Variants in ZNF804B observed in about 807,000 individuals in gnomAD.
ZNF804B encodes zinc finger protein 804B, also known as zinc finger 804B.
In ZNF804B, 80 loss-of-function variants were observed where a neutral mutation model predicts 101.4. The ratio of observed to expected loss-of-function variants is 0.79; its 90% confidence interval spans 0.66 to 0.95. The LOEUF is 0.95. Ranked by LOEUF, ZNF804B falls within the 40% of genes least tolerant of loss-of-function variation. The pLI is 0.00. For missense variants in ZNF804B, 1,673 were observed against 1,561.9 expected (o/e 1.07, Z -1.20); for synonymous variants, 622 against 558.8 (o/e 1.11, Z -1.59).
At chr7:88,937,719 A>G (rs1199275289) in intron 1 of ZNF804B, among the ~76,000 whole-genome samples, 6 of 152,092 alleles carry the variant, frequency 3.9e-5, no homozygotes, top group Non-Finnish European at 7.4e-5. Context: ...GTGGCAAACA[A>G]TGTTTTCAGA....
At chr7:88,898,254 T>G (rs996605888) in intron 1 of ZNF804B, among the ~76,000 whole-genome samples, 12 of 151,524 alleles carry the variant, frequency 7.9e-5, no homozygotes, top group African/African-American at 2.9e-4. Context: ...GCCCAGCTAA[T>G]TTTTTGTATT....
intron 1 of ZNF804B, among the ~76,000 whole-genome samples, chr7:89,111,267 A>C (rs1283590748): frequency 6.6e-6 from 1 of 152,202 alleles, no homozygotes; most frequent in East Asian, 1.9e-4. Flanking sequence ...ATGCTGAATC[A>C]TTTGCTAAGG....
rs75466267 is a variant in ZNF804B at position 88,772,040 on chromosome 7, G to A, written c.108+11956G>A. Among the ~76,000 whole-genome samples the A allele has an allele frequency of 1.7e-3, 258 of 152,142 alleles. 2 individuals are homozygous for A. Among genetic ancestry groups the A allele is most frequent in the African/African-American group, 6.1e-3 (253 of 41,522 alleles). On this transcript the variant is annotated intron_variant, in intron 1 of 3. Coordinates refer to ENST00000333190, the MANE Select transcript of ZNF804B (RefSeq NM_181646.5). Reference sequence around the variant, plus strand: ...CAAATTTTTGTCACTATGGAAGCAGGGTTATTGCCAAGAAGATTGTAGATA... The same window carrying A: ...CAAATTTTTGTCACTATGGAAGCAGAGTTATTGCCAAGAAGATTGTAGATA...
At chr7:89,295,809 A>G (rs1442636803) in intron 2 of ZNF804B, among the ~76,000 whole-genome samples, 1 of 152,140 alleles carries the variant, frequency 6.6e-6, no homozygotes, top group Non-Finnish European at 1.5e-5. Flanking sequence ...ACACTTTGGA[A>G]TACTGTTGAG....
intron 1 of ZNF804B, among the ~76,000 whole-genome samples, chr7:88,999,353 G>A (rs1433480508): frequency 6.6e-6 from 1 of 152,014 alleles, no homozygotes; most frequent in East Asian, 1.9e-4. Flanking sequence ...TATAGTTAGT[G>A]AGGATGTTAA....
chr7:89,047,869 T>C (rs1010317988), intron 1 of ZNF804B, among the ~76,000 whole-genome samples: 5 of 150,112 alleles, frequency 3.3e-5, no homozygotes, highest in African/African-American at 1.2e-4. Context: ...CATCAGGCGA[T>C]TGGTTGATCT....
In ZNF804B at chr7:88,868,369, A is replaced by T. The variant is rs1216715832; in HGVS notation, c.108+108285A>T. Among the ~76,000 whole-genome samples, 24 of 152,336 alleles carry T rather than the reference A, an allele frequency of 1.6e-4. No individual in the cohort carries two copies. The South Asian group carries it at 2.5e-3, about 16-fold the overall frequency. ...AACAAGAACCTGATGTTAGGACAGA[A>T]TAAAGGTATTTGAGTATAATATGTA... On this transcript the variant is annotated intron_variant, in intron 1 of 3. Coordinates refer to ENST00000333190, the MANE Select transcript of ZNF804B (RefSeq NM_181646.5).
chr7:89,081,077 G>C (rs1340212285), intron 1 of ZNF804B, among the ~76,000 whole-genome samples: 1 of 151,870 alleles, frequency 6.6e-6, no homozygotes, highest in East Asian at 1.9e-4. Flanking sequence ...AGTTAACCGA[G>C]GGATGTTGGA....
chr7:88,786,572 T>C (rs1413898905), intron 1 of ZNF804B, among the ~76,000 whole-genome samples: 1 of 152,124 alleles, frequency 6.6e-6, no homozygotes, highest in African/African-American at 2.4e-5. Context: ...TATTCTGTTT[T>C]TCTTTCCTAG....
intron 1 of ZNF804B, among the ~76,000 whole-genome samples, chr7:88,850,946 A>T (rs1380146886): frequency 2.0e-5 from 3 of 152,138 alleles, no homozygotes; most frequent in Admixed American, 2.0e-4. Context: ...ATCATGAAAG[A>T]TTTTTTAAAA....
intron 2 of ZNF804B, among the ~76,000 whole-genome samples, chr7:89,219,789 T>A (rs1466235135): frequency 6.6e-6 from 1 of 151,114 alleles, no homozygotes; most frequent in Non-Finnish European, 1.5e-5. Flanking sequence ...TAAACAAAAA[T>A]AAATCTTTCG....
intron 1 of ZNF804B, among the ~76,000 whole-genome samples, chr7:89,118,915 T>C (rs768652322): frequency 6.6e-6 from 1 of 152,212 alleles, no homozygotes; most frequent in Non-Finnish European, 1.5e-5. Context: ...ATGGTGATGA[T>C]GATGACAAAT....
chr7:89,319,208 G>A (rs1456530568), intron 2 of ZNF804B, among the ~76,000 whole-genome samples: 1 of 152,084 alleles, frequency 6.6e-6, no homozygotes, highest in African/African-American at 2.4e-5. Flanking sequence ...GGCCAGTCTT[G>A]GGGCCAGTTT....
intron 1 of ZNF804B, among the ~76,000 whole-genome samples, chr7:88,844,512 A>G (rs529563205): frequency 9.2e-5 from 14 of 152,324 alleles, no homozygotes; most frequent in Non-Finnish European, 2.1e-4. Context: ...ATAAACAAGA[A>G]GTTAGATTTA....
chr7:88,773,764 G>T (rs983593142), intron 1 of ZNF804B, among the ~76,000 whole-genome samples: 5 of 152,022 alleles, frequency 3.3e-5, no homozygotes, highest in Admixed American at 6.6e-5. Context: ...AGGTAAAGTG[G>T]GAGCCTGCAT....
At chr7:89,261,626 A>T (rs1481763551) in intron 2 of ZNF804B, among the ~76,000 whole-genome samples, 1 of 152,186 alleles carries the variant, frequency 6.6e-6, no homozygotes, top group African/African-American at 2.4e-5. Flanking sequence ...AAAAACCTAG[A>T]TGGTATAGCC....
At chr7:89,294,937 T>A (rs915390323) in intron 2 of ZNF804B, among the ~76,000 whole-genome samples, 1 of 152,140 alleles carries the variant, frequency 6.6e-6, no homozygotes, top group African/African-American at 2.4e-5. Context: ...ACATTAATTA[T>A]AATATTTATG....
intron 1 of ZNF804B, among the ~76,000 whole-genome samples, chr7:88,875,057 C>G (rs912996749): frequency 2.3e-5 from 3 of 131,694 alleles, no homozygotes; most frequent in African/African-American, 9.6e-5. Context: ...TCCTGAATGA[C>G]TACTGGGTAC....
At chr7:88,861,637 C>T (rs895150759) in intron 1 of ZNF804B, among the ~76,000 whole-genome samples, 1 of 152,168 alleles carries the variant, frequency 6.6e-6, no homozygotes, top group African/African-American at 2.4e-5. Context: ...CCCAGTGTCT[C>T]CAGTACAGTG....
Sources: allele counts gnomAD v4.1 joint callset (sites outside exome capture counted in the v4.1 genomes callset), GRCh38; gene constraint gnomAD v4.1.1; transcripts MANE v1.5; gene names NCBI Gene and HGNC (gene_info 2026-07-23, HGNC 2026-07-21).